NRXN1: variants seen among roughly 807,000 people sequenced by gnomAD.
The protein encoded by NRXN1 is neurexin-1.
Under a neutral mutation model 150.9 loss-of-function variants are expected in NRXN1, and 39 were observed. The ratio of observed to expected loss-of-function variants is 0.26; its 90% CI spans 0.20 to 0.34. The LOEUF is 0.34. Among genes scored for constraint, NRXN1 ranks in the 10% least tolerant of loss-of-function variants. The pLI, the probability that NRXN1 is intolerant of heterozygous loss-of-function variation, is 1.00. For missense variants in NRXN1, 1,815 were observed against 1,949.9 expected, an observed-to-expected ratio of 0.93 and a Z score of 1.30; for synonymous variants, 924 against 757.0, an observed-to-expected ratio of 1.22 and a Z score of -3.62.
chr2:50,548,462 A>T (rs1293052452), intron 9 of NRXN1, among the ~76,000 whole-genome samples: 1 of 152,212 alleles, frequency 6.6e-6, no homozygotes, highest in East Asian at 1.9e-4. Context: ...GCTTACAGTT[A>T]AAAAAGTTGC....
At chr2:50,266,592 A>G (rs1443746062) in intron 17 of NRXN1, among the ~76,000 whole-genome samples, 1 of 150,778 alleles carries the variant, frequency 6.6e-6, no homozygotes, top group Non-Finnish European at 1.5e-5. Flanking sequence ...TTCTAGAAGA[A>G]CTAAGGTAAA....
chr2:50,331,851 T>A (rs1384771191), intron 17 of NRXN1, among the ~76,000 whole-genome samples: 3 of 152,110 alleles, frequency 2.0e-5, no homozygotes, highest in African/African-American at 4.8e-5. Context: ...TGGCATAAGG[T>A]CTTGTTCCTC....
intron 2 of NRXN1, among the ~76,000 whole-genome samples, chr2:50,960,249 G>A (rs1041418433): frequency 4.6e-5 from 7 of 151,880 alleles, no homozygotes; most frequent in South Asian, 2.1e-4. Context: ...CATATCAGAT[G>A]GAGACAGAAG....
At position 50,236,897 on chromosome 2, in the gene NRXN1, A is replaced by G; in HGVS notation, c.3438T>C (p.Ser1146=). Residue 1146 remains serine (S), a synonymous_variant, in exon 18 of 23, where the codon AGT becomes AGC. Coordinates refer to ENST00000401669, the MANE Select transcript of NRXN1 (RefSeq NM_001330078.2). ...TYKWPPNDRP[S]TRADRLAIGF... Reference sequence around the variant, plus strand: ...CTATGGCCAGTCTGTCTGCTCGTGTACTGGGTCGGTCATTAGGAGGCCACT... The same window carrying G: ...CTATGGCCAGTCTGTCTGCTCGTGTGCTGGGTCGGTCATTAGGAGGCCACT... 6.2e-7 allele frequency: 1 copy of G among 1,613,332 alleles called. No individual in the cohort carries two copies. The highest frequency in any genetic ancestry group is 8.5e-7 in the Non-Finnish European group (1 of 1,179,630).
At chr2:50,719,327 T>TAA (rs908714623) in intron 5 of NRXN1, among the ~76,000 whole-genome samples, 3 of 145,162 alleles carry the variant, frequency 2.1e-5, no homozygotes, top group Non-Finnish European at 3.0e-5. Flanking sequence ...AGCAAAAAAT[T>TAA]AAAAAAAAAA....
intron 21 of NRXN1, among the ~76,000 whole-genome samples, chr2:49,992,468 T>C (rs903320457): frequency 2.6e-5 from 4 of 151,494 alleles, no homozygotes; most frequent in Non-Finnish European, 4.4e-5. Context: ...TAGTCCCAGC[T>C]AGTCGGGAGG....
At chr2:50,250,820 C>G (rs1026289268) in intron 17 of NRXN1, among the ~76,000 whole-genome samples, 1 of 151,412 alleles carries the variant, frequency 6.6e-6, no homozygotes, top group Non-Finnish European at 1.5e-5. Context: ...TACCGGGATA[C>G]ATGTGCAGTA....
intron 5 of NRXN1, among the ~76,000 whole-genome samples, chr2:50,901,008 C>A (rs1038300595): frequency 1.3e-5 from 2 of 152,150 alleles, no homozygotes; most frequent in African/African-American, 2.4e-5. Flanking sequence ...CTTTTCTCAT[C>A]GGTACACTCC....
chr2:50,358,149 G>C (rs1019128685), intron 17 of NRXN1, among the ~76,000 whole-genome samples: 1 of 152,136 alleles, frequency 6.6e-6, no homozygotes, highest in African/African-American at 2.4e-5. Flanking sequence ...ACAAAACTAG[G>C]TGGCTGCTTG....
chr2:50,646,218 G>C (rs923576117), intron 5 of NRXN1, among the ~76,000 whole-genome samples: 2 of 151,852 alleles, frequency 1.3e-5, no homozygotes. Flanking sequence ...CAACCTAATA[G>C]AAAAGAATCA....
chr2:50,645,731 ATAT>A (rs1470064043), intron 5 of NRXN1, among the ~76,000 whole-genome samples: 1 of 152,022 alleles, frequency 6.6e-6, no homozygotes, highest in Admixed American at 6.6e-5. Context: ...ATGAAATTTT[ATAT>A]TATTATTATC....
intron 18 of NRXN1, among the ~76,000 whole-genome samples, chr2:50,200,826 T>A (rs1023488725): frequency 1.3e-5 from 2 of 152,180 alleles, no homozygotes; most frequent in African/African-American, 4.8e-5. Flanking sequence ...TTCTGGAACC[T>A]ATGAAAATTG....
At chr2:50,040,816 G>A (rs981939783) in intron 21 of NRXN1, among the ~76,000 whole-genome samples, 1 of 151,938 alleles carries the variant, frequency 6.6e-6, no homozygotes, top group African/African-American at 2.4e-5. Flanking sequence ...TGCAATTTGA[G>A]TTATCATCCA....
intron 16 of NRXN1, among the ~76,000 whole-genome samples, chr2:50,472,090 C>T (rs1437326338): frequency 1.3e-5 from 2 of 151,750 alleles, no homozygotes; most frequent in Admixed American, 6.6e-5. Flanking sequence ...ATATACCTCC[C>T]ATTTTACATT....
rs1050592521 is a variant in NRXN1 at position 49,922,082 on chromosome 2, T to C, written c.4386A>G (p.Ser1462=). 1 of 1,614,072 alleles carries C rather than the reference T, an allele frequency of 6.2e-7. No homozygotes were observed. The highest frequency in any genetic ancestry group is 1.3e-5 in the African/African-American group (1 of 74,934). ...AGTTTCGACTCTCGTCCACATGGTA[T>C]GAGCCTTCATCCCGGTTTCTGTACT... ...MYKYRNRDEG[S]YHVDESRNYI... Residue 1462 remains serine (S), a synonymous_variant, in exon 23 of 23, where the codon TCA becomes TCG. Coordinates refer to ENST00000401669, the MANE Select transcript of NRXN1 (RefSeq NM_001330078.2).
At chr2:50,056,311 G>T (rs904822804) in intron 19 of NRXN1, among the ~76,000 whole-genome samples, 3 of 151,950 alleles carry the variant, frequency 2.0e-5, no homozygotes, top group African/African-American at 7.2e-5. Flanking sequence ...CCACTAATAA[G>T]CCCAGCATAA....
chr2:50,559,417 C>T (rs997801240), intron 8 of NRXN1, among the ~76,000 whole-genome samples: 6 of 152,270 alleles, frequency 3.9e-5, no homozygotes, highest in Non-Finnish European at 5.9e-5. Context: ...CAATCAGACA[C>T]GCACTTTTTA....
intron 19 of NRXN1, among the ~76,000 whole-genome samples, chr2:50,062,179 T>C (rs185819921): frequency 1.3e-5 from 2 of 152,314 alleles, no homozygotes. Context: ...ACTGAATGTT[T>C]GTATCTCCCA....
chr2:50,319,281 T>G (rs1390479972), intron 17 of NRXN1, among the ~76,000 whole-genome samples: 2 of 152,126 alleles, frequency 1.3e-5, no homozygotes, highest in Non-Finnish European at 2.9e-5. Context: ...AGTTGCATTA[T>G]GCAAAATGAA....
Sources: allele counts gnomAD v4.1 joint callset (sites outside exome capture counted in the v4.1 genomes callset), GRCh38; gene constraint gnomAD v4.1.1; transcripts MANE v1.5; gene names NCBI Gene and HGNC (gene_info 2026-07-23, HGNC 2026-07-21).